PLCG2: variants seen among roughly 807,000 people sequenced by gnomAD.
PLCG2 encodes the protein phospholipase C gamma 2.
In PLCG2, 69 loss-of-function variants were observed where a neutral mutation model predicts 175.6. That is an observed-to-expected ratio of 0.39 (90% confidence interval 0.32 to 0.48). The LOEUF (loss-of-function observed/expected upper bound fraction) is 0.48, where lower values mean the gene tolerates loss of function less well. Ranked by LOEUF, PLCG2 falls within the 20% of genes least tolerant of loss-of-function variation. The probability of loss-of-function intolerance (pLI) is 0.91; values close to 1 mark genes in which losing one functional copy is unlikely to be tolerated. For missense variants in PLCG2, 1,798 were observed against 1,650.9 expected (o/e 1.09, Z -1.54); for synonymous variants, 827 against 624.0 (o/e 1.33, Z -4.85).
At chr16:81,899,292 A>G (rs949344513) in intron 13 of PLCG2, among the ~76,000 whole-genome samples, 4 of 78,128 alleles carry the variant, frequency 5.1e-5, no homozygotes, top group Admixed American at 4.1e-4. Flanking sequence ...ATATATATAC[A>G]CACACACACA....
intron 2 of PLCG2, among the ~76,000 whole-genome samples, chr16:81,829,167 G>A (rs1394719603): frequency 1.3e-5 from 2 of 152,160 alleles, no homozygotes; most frequent in Non-Finnish European, 2.9e-5. Flanking sequence ...GGAGTGCAGT[G>A]GCACGATCTC....
intron 29 of PLCG2, among the ~76,000 whole-genome samples, chr16:81,939,633 C>T (rs1237081136): frequency 6.6e-6 from 1 of 152,174 alleles, no homozygotes; most frequent in Non-Finnish European, 1.5e-5. Flanking sequence ...TCCCTTGTCC[C>T]TGATCCTGGG....
intron 12 of PLCG2, among the ~76,000 whole-genome samples, chr16:81,895,246 C>G (rs1249232241): frequency 6.6e-6 from 1 of 152,142 alleles, no homozygotes; most frequent in East Asian, 1.9e-4. Flanking sequence ...AAATAAAACA[C>G]GTGGTAAAAT....
chr16:81,798,345 A>T (rs940121985), intron 2 of PLCG2: 8 of 152,204 alleles, frequency 5.3e-5, no homozygotes, highest in Non-Finnish European at 1.2e-4. Context: ...CATAGCTCGC[A>T]TGTGTAGGGG....
intron 12 of PLCG2, among the ~76,000 whole-genome samples, chr16:81,894,353 C>T (rs1821058939): frequency 6.6e-6 from 1 of 152,164 alleles, no homozygotes; most frequent in South Asian, 2.1e-4. Flanking sequence ...CGCTTGAGCC[C>T]AGGAGGTTGA....
intron 31 of PLCG2, among the ~76,000 whole-genome samples, chr16:81,949,645 G>A (rs947718825): frequency 2.6e-5 from 4 of 152,200 alleles, no homozygotes; most frequent in African/African-American, 9.6e-5. Context: ...TAGATAGGGA[G>A]GTGAAGAGAG....
chr16:81,899,894 T>C (rs1382701165), intron 13 of PLCG2, among the ~76,000 whole-genome samples: 3 of 152,220 alleles, frequency 2.0e-5, no homozygotes, highest in Non-Finnish European at 2.9e-5. Flanking sequence ...GAGGAAAATG[T>C]TGTGACCACA....
intron 7 of PLCG2, among the ~76,000 whole-genome samples, chr16:81,874,964 T>TC (rs1567510356): frequency 1.1e-4 from 5 of 44,780 alleles, no homozygotes; most frequent in Non-Finnish European, 2.5e-4. Context: ...TTTTTTTTTT[T>TC]TTTTTTTTTT....
intron 3 of PLCG2, among the ~76,000 whole-genome samples, chr16:81,855,345 G>C (rs1385816844): frequency 6.6e-6 from 1 of 152,196 alleles, no homozygotes; most frequent in African/African-American, 2.4e-5. Context: ...AGGGGCAGAA[G>C]CTTGTATCTA....
At chr16:81,791,237 G>A (rs574855066) in intron 2 of PLCG2, among the ~76,000 whole-genome samples, 2 of 152,242 alleles carry the variant, frequency 1.3e-5, no homozygotes, top group African/African-American at 4.8e-5. Context: ...GAGGAGGGAA[G>A]GTTTTTGTCC....
chr16:81,921,767 G>T (rs768635344), intron 21 of PLCG2, among the ~76,000 whole-genome samples: 1 of 152,186 alleles, frequency 6.6e-6, no homozygotes, highest in Non-Finnish European at 1.5e-5. Flanking sequence ...GAACCACAGC[G>T]AATTTTCTGT....
intron 2 of PLCG2, among the ~76,000 whole-genome samples, chr16:81,794,868 T>TC (rs1041261065): frequency 9.2e-5 from 14 of 152,186 alleles, no homozygotes; most frequent in Non-Finnish European, 2.1e-4. Flanking sequence ...ATTGTCCTGC[T>TC]CCCCCTGGAG....
At chr16:81,931,347 C>G (rs560341469) in intron 24 of PLCG2, 150 bp from the exon 25 acceptor site, 1 of 644,126 alleles carries the variant, frequency 1.6e-6, no homozygotes, top group African/African-American at 1.8e-5. Flanking sequence ...TGTACTTACC[C>G]CGATGGAAAG....
chr16:81,750,952 C>T (rs574862587), intron 1 of PLCG2, among the ~76,000 whole-genome samples: 80 of 136,342 alleles, frequency 5.9e-4, no homozygotes, highest in African/African-American at 1.5e-3. Flanking sequence ...GGATTACAGG[C>T]GTGAGCCACC....
intron 2 of PLCG2, among the ~76,000 whole-genome samples, chr16:81,803,206 C>T (rs1307511664): frequency 1.3e-5 from 2 of 150,016 alleles, no homozygotes; most frequent in African/African-American, 4.9e-5. Flanking sequence ...GCAAGCTCTG[C>T]CTCATGGGTT....
intron 2 of PLCG2, among the ~76,000 whole-genome samples, chr16:81,818,763 G>A (rs1006359275): frequency 6.6e-6 from 1 of 151,992 alleles, no homozygotes; most frequent in Non-Finnish European, 1.5e-5. Context: ...GAGGGCTGCT[G>A]AGCCTGTCAC....
intron 9 of PLCG2, among the ~76,000 whole-genome samples, chr16:81,888,372 A>C (rs571380589): frequency 3.9e-4 from 55 of 142,262 alleles, no homozygotes; most frequent in African/African-American, 1.3e-3. Context: ...CACCACGCCA[A>C]GCTGATTTAA....
At chr16:81,878,242 A>C (rs889388042) in intron 7 of PLCG2, among the ~76,000 whole-genome samples, 8 of 151,782 alleles carry the variant, frequency 5.3e-5, no homozygotes, top group Non-Finnish European at 8.8e-5. Flanking sequence ...CCTCGGCCTC[A>C]CAAAGTGCTG....
intron 25 of PLCG2, among the ~76,000 whole-genome samples, chr16:81,932,529 G>T (rs1407990306): frequency 6.6e-6 from 1 of 152,178 alleles, no homozygotes; most frequent in Non-Finnish European, 1.5e-5. Flanking sequence ...AAGCCTTCCT[G>T]GGGCCTCTTG....
Sources: gnomAD v4.1 joint callset for allele counts (sites outside exome capture counted in the v4.1 genomes callset) on GRCh38, gnomAD v4.1.1 for gene constraint, MANE v1.5 for transcripts, NCBI Gene and HGNC (gene_info 2026-07-23, HGNC 2026-07-21) for gene names.